The following INTS11 variants were observed in gnomAD, a reference collection of about 807,000 sequenced individuals.
INTS11 encodes the protein integrator complex subunit 11.
In INTS11, 77 loss-of-function variants were observed where a neutral mutation model predicts 78.6. The ratio of observed to expected loss-of-function variants is 0.98; its 90% CI spans 0.81 to 1.18. The LOEUF (loss-of-function observed/expected upper bound fraction) is 1.18. Ranked by LOEUF, INTS11 falls within the 50% of genes most tolerant of loss-of-function variation. The pLI is 0.00. For missense variants in INTS11, 875 were observed against 825.9 expected, an observed-to-expected ratio of 1.06 and a Z score of -0.73; for synonymous variants, 441 against 326.9, an observed-to-expected ratio of 1.35 and a Z score of -3.77.
rs1162483264 is a variant in INTS11, at chr1:1,312,832, C to T, written c.1249G>A (p.Ala417Thr). 6.2e-7 allele frequency: 1 copy of T among 1,611,630 alleles called. No homozygotes were observed. Among genetic ancestry groups the T allele is most frequent in the Non-Finnish European group, 8.5e-7 (1 of 1,179,732 alleles). ...TGCTTCAGGAACTCCATCTTCTTGG[C>T]CTCGCCATGCACCAGCAGCACGCTC... is the stretch of plus-strand genomic sequence containing the variant. The part of the protein sequence containing the change: ...PESVLLVHGE[A>T]KKMEFLKQKI... Residue 417 changes from alanine to threonine, a missense_variant, in exon 12 of 17, where the codon GCC becomes ACC. Coordinates refer to ENST00000435064, the MANE Select transcript of INTS11 (RefSeq NM_017871.6).
chr1:1,320,500 G>A lies in INTS11; in HGVS notation c.156C>T (p.Thr52=). ...DRRFPDFSYI[T]QNGRLTDFLD... ...GGAAGTCTGTTAGGCGGCCGTTCTG[G>A]GTGATGTAGGAGAAGTCAGGGAAGC... Residue 52 remains threonine, a synonymous_variant, in exon 3 of 17, where the codon ACC becomes ACT. Transcript: ENST00000435064. The A allele has an allele frequency of 6.2e-7, 1 of 1,613,972 alleles. No individual in the cohort carries two copies. Among genetic ancestry groups the A allele is most frequent in the African/African-American group, 1.3e-5 (1 of 75,058 alleles).
Position 1,311,609 on chromosome 1 carries a change from C to A in INTS11, c.*250G>T. On this transcript the variant is annotated 3_prime_UTR_variant, in exon 17 of 17. Transcript: ENST00000435064. ...AGAGAGTACCAAGTAGTCTTTTGTTCAGCTTTTACTGGAAACTGCTGTCTA... is the reference window on the plus strand; with the variant it reads ...AGAGAGTACCAAGTAGTCTTTTGTTAAGCTTTTACTGGAAACTGCTGTCTA... 1 of 716,514 alleles carries A rather than the reference C, an allele frequency of 1.4e-6. No homozygotes were observed. Among genetic ancestry groups the A allele is most frequent in the Non-Finnish European group, 2.5e-6 (1 of 398,648 alleles). 44.4% of individuals were successfully genotyped at this position (716,514 alleles called of 1,614,324 possible).
At chr1:1,323,394 T>A in intron 1 of INTS11, 2 of 1,263,648 alleles carry the variant, frequency 1.6e-6, no homozygotes, top group Non-Finnish European at 2.2e-6. Flanking sequence ...CTTCACATCG[T>A]TCTATACTGT....
At chr1:1,322,608 A>C (rs1307500633) in intron 1 of INTS11, among the ~76,000 whole-genome samples, 21 of 107,838 alleles carry the variant, frequency 1.9e-4, no homozygotes, top group African/African-American at 3.8e-4. Context: ...GGAGGAGAAG[A>C]AGCGGGGCGG....
At chr1:1,313,260 C>G in intron 10 of INTS11, 136 bp from the exon 11 acceptor site, 1 of 1,044,940 alleles carries the variant, frequency 9.6e-7, no homozygotes, top group Middle Eastern at 2.7e-4. Flanking sequence ...TAGCTGCAGA[C>G]TCCAAAGGGC....
Position 1,312,449 on chromosome 1 carries a change from C to T in INTS11, c.1455G>A (p.Met485Ile), listed in dbSNP as rs763940478. The part of the protein sequence containing the change: ...KPRLLHGTLI[M>I]KDSNFRLVSS... ...CCGTCCTGGCACTCACGCTGTCCTT[C>T]ATGATCAGGGTGCCGTGCAGGAGCC... Residue 485 changes from methionine (M) to isoleucine (I), a missense_variant, in exon 14 of 17, where the codon ATG becomes ATA. Physicochemically the swap from Met to Ile is conservative, Grantham distance 10. Coordinates refer to ENST00000435064, the MANE Select transcript of INTS11 (RefSeq NM_017871.6). 2 of 1,570,930 alleles carry T rather than the reference C, an allele frequency of 1.3e-6. No homozygotes were observed. The highest frequency in any genetic ancestry group is 2.7e-5 in the African/African-American group (2 of 73,874).
At chr1:1,315,066 A>C in intron 6 of INTS11, 104 bp from the exon 7 acceptor site, 1 of 1,417,626 alleles carries the variant, frequency 7.1e-7, no homozygotes, top group South Asian at 1.3e-5. Context: ...CCGCCTTCCT[A>C]GGTCACTCTG....
intron 1 of INTS11, among the ~76,000 whole-genome samples, chr1:1,322,212 C>T (rs1306542712): frequency 2.0e-5 from 3 of 152,056 alleles, no homozygotes; most frequent in Middle Eastern, 3.4e-3. Context: ...GGCCCCGAGG[C>T]ATGGGGCCCG....
Position 1,312,344 on chromosome 1 carries a change from GCT to G in INTS11, c.1487_1488del (p.Glu496AlafsTer10). ...GCCAGACCCAGCTCTTTGAGGGCTT[GCT>G]CTGAGGACACCAGCCGGAAGTTCTG... ...KDSNFRLVSS[E>X]QALKELGLAE... On this transcript the variant is annotated frameshift_variant, in exon 15 of 17. Coordinates refer to ENST00000435064, the MANE Select transcript of INTS11 (RefSeq NM_017871.6). LOFTEE classifies it high-confidence loss of function. The G allele has an allele frequency of 6.4e-7, 1 of 1,562,284 alleles. No individual in the cohort carries two copies. Among genetic ancestry groups the G allele is most frequent in the Non-Finnish European group, 8.7e-7 (1 of 1,153,316 alleles).
Position 1,315,449 on chromosome 1 carries a change from A to T in INTS11, c.529-11T>A. ...CATGTTATAATCACCCTGGTGAACG[A>T]TCAAGGATGCCATGAGGAGGGTGCC... On this transcript the variant is annotated splice_polypyrimidine_tract_variant and intron_variant, in intron 5 of 16. Transcript: ENST00000435064. 1 of 1,612,972 alleles carries T rather than the reference A, an allele frequency of 6.2e-7. No homozygotes were observed. The highest frequency in any genetic ancestry group is 8.5e-7 in the Non-Finnish European group (1 of 1,179,858).
At chr1:1,317,251 G>A (rs1247275026) in intron 4 of INTS11, 1 of 152,012 alleles carries the variant, frequency 6.6e-6, no homozygotes, top group Non-Finnish European at 1.5e-5. Flanking sequence ...AAAATTAACT[G>A]GGTGTGGTGG....
rs533501804 is a variant in INTS11, at chr1:1,312,861, G to A, written c.1220C>T (p.Pro407Leu). The A allele has an allele frequency of 6.8e-6, 11 of 1,612,334 alleles. No homozygotes were observed. The African/African-American group carries it at 9.3e-5, about 14-fold the overall frequency. Residue 407 changes from proline (P) to leucine (L), a missense_variant, in exon 12 of 17, where the codon CCG becomes CTG. Coordinates refer to ENST00000435064, the MANE Select transcript of INTS11 (RefSeq NM_017871.6). ...GIMQLVGQAE[P>L]ESVLLVHGEA... ...GCCATGCACCAGCAGCACGCTCTCC[G>A]GCTCTGCCTGGCCCACCAGCTGCAT...
Position 1,312,963 on chromosome 1 carries a change from G to C in INTS11, c.1132-14C>G. ...CTTGACCTCCAGCTACAGAGGCCACGGGGCGTGGACAGTGGTTACCACCAG... is the reference window on the plus strand; with the variant it reads ...CTTGACCTCCAGCTACAGAGGCCACCGGGCGTGGACAGTGGTTACCACCAG... On this transcript the variant is annotated splice_polypyrimidine_tract_variant and intron_variant, in intron 11 of 16. Transcript: ENST00000435064. The C allele has an allele frequency of 6.2e-7, 1 of 1,611,512 alleles. No homozygotes were observed. The highest frequency in any genetic ancestry group is 8.5e-7 in the Non-Finnish European group (1 of 1,179,094).
intron 1 of INTS11, among the ~76,000 whole-genome samples, chr1:1,322,143 G>A (rs900035613): frequency 3.9e-5 from 6 of 152,098 alleles, no homozygotes; most frequent in African/African-American, 1.4e-4. Context: ...CTGTGGGAAG[G>A]GAGGGCCGCC....
intron 1 of INTS11, chr1:1,323,397 T>A: frequency 8.0e-7 from 1 of 1,246,754 alleles, no homozygotes; most frequent in Non-Finnish European, 1.1e-6. Flanking sequence ...CACATCGTTC[T>A]ATACTGTTAC....
chr1:1,324,440 A>T, intron 1 of INTS11, 141 bp downstream of exon 1: 1 of 822,248 alleles, frequency 1.2e-6, no homozygotes. Flanking sequence ...GGCTCCCACC[A>T]GGGCCCGCGC....
intron 4 of INTS11, chr1:1,318,741 T>C (rs1049501139): frequency 1.6e-5 from 8 of 514,102 alleles, no homozygotes; most frequent in East Asian, 1.3e-4. Context: ...CCAAAATACA[T>C]AGGTACCTAA....
chr1:1,312,208 G>GGGGGGGGGGGGGC lies in INTS11; in HGVS notation c.1607+17_1607+18insGCCCCCCCCCCCC. On this transcript the variant is annotated intron_variant, in intron 15 of 16. Coordinates refer to ENST00000435064, the MANE Select transcript of INTS11 (RefSeq NM_017871.6). ...CAGGGCCCAAGGGAGTGGGGGGGGGGCGGGGCCGGGCGCCCACCTCTTGAG... is the reference window on the plus strand; with the variant it reads ...CAGGGCCCAAGGGAGTGGGGGGGGGGGGGGGGGGGGGGCCGGGGCCGGGCGCCCACCTCTTGAG... 1 of 1,123,360 alleles carries GGGGGGGGGGGGGC rather than the reference G, an allele frequency of 8.9e-7. No homozygotes were observed. The highest frequency in any genetic ancestry group is 1.2e-6 in the Non-Finnish European group (1 of 801,322). 69.6% of individuals were successfully genotyped at this position (1,123,360 alleles called of 1,614,324 possible).
intron 1 of INTS11, 122 bp downstream of exon 1, chr1:1,324,459 G>A (rs1177373295): frequency 1.7e-5 from 17 of 1,024,816 alleles, no homozygotes; most frequent in Non-Finnish European, 2.3e-5. Context: ...GCGGGGAGGA[G>A]ACCGGAGGAC....
Sources: gnomAD v4.1 joint callset for allele counts (sites outside exome capture counted in the v4.1 genomes callset) on GRCh38, gnomAD v4.1.1 for gene constraint, MANE v1.5 for transcripts, NCBI Gene and HGNC (gene_info 2026-07-23, HGNC 2026-07-21) for gene names.